The following RSU1 variants were observed in gnomAD, a reference collection of about 807,000 sequenced individuals.
The protein encoded by RSU1 is Ras suppressor protein 1.
A neutral mutation model predicts 31.1 loss-of-function variants in RSU1; 26 were observed. The ratio of observed to expected loss-of-function variants is 0.84; its 90% CI spans 0.61 to 1.16. The LOEUF (loss-of-function observed/expected upper bound fraction) is 1.16. RSU1 is among the 50% of genes most tolerant of loss of function. The probability of loss-of-function intolerance (pLI) is 0.00; values close to 1 mark genes in which losing one functional copy is unlikely to be tolerated. For synonymous variants in RSU1, 164 were observed against 136.3 expected (o/e 1.20, Z -1.41); for missense variants, 320 against 339.1 (o/e 0.94, Z 0.44).
chr10:16,602,020 T>C lies in RSU1; in HGVS notation c.732-8524A>G, dbSNP rs546889509. 4.6e-5 allele frequency among the ~76,000 whole-genome samples: 7 copies of C among 152,322 alleles called. No homozygotes were observed. In the East Asian group the frequency reaches 1.2e-3, roughly 25 times the overall value. On this transcript the variant is annotated intron_variant, in intron 8 of 8. Transcript: ENST00000345264. ...CAATCTGAGGCCTGAGATAAGCCTT[T>C]CCTGACAGCCAACATTCCTTTTGGC...
chr10:16,750,689 T>A (rs758920123), intron 7 of RSU1, among the ~76,000 whole-genome samples: 1 of 152,100 alleles, frequency 6.6e-6, no homozygotes, highest in South Asian at 2.1e-4. Flanking sequence ...TAACCAAGCA[T>A]ACATGTCAGA....
intron 8 of RSU1, among the ~76,000 whole-genome samples, chr10:16,659,836 C>T (rs1445851058): frequency 6.6e-6 from 1 of 152,174 alleles, no homozygotes; most frequent in Non-Finnish European, 1.5e-5. Flanking sequence ...TTGGTGTCCA[C>T]CATGATAGGT....
intron 8 of RSU1, among the ~76,000 whole-genome samples, chr10:16,624,988 G>C (rs150665209): frequency 6.6e-6 from 1 of 152,254 alleles, no homozygotes; most frequent in Admixed American, 6.5e-5. Flanking sequence ...ACCATGCCAA[G>C]TGGGTATCAC....
At chr10:16,750,321 A>G (rs919359202) in intron 7 of RSU1, among the ~76,000 whole-genome samples, 2 of 152,214 alleles carry the variant, frequency 1.3e-5, no homozygotes, top group African/African-American at 4.8e-5. Flanking sequence ...AAAAACTGCT[A>G]TCAGGCAAAT....
intron 7 of RSU1, among the ~76,000 whole-genome samples, chr10:16,734,421 G>T (rs1459612146): frequency 2.6e-5 from 4 of 152,222 alleles, no homozygotes; most frequent in African/African-American, 9.6e-5. Context: ...CCAGTCAGTG[G>T]ATGGAACCTA....
chr10:16,701,409 G>A (rs79906615), intron 7 of RSU1, among the ~76,000 whole-genome samples: 2,347 of 152,310 alleles, frequency 0.015, 25 homozygotes, highest in East Asian at 0.063. Context: ...TGTAAGCTGG[G>A]ATGTCTCATG....
intron 2 of RSU1, among the ~76,000 whole-genome samples, chr10:16,798,154 T>C (rs1838080332): frequency 6.6e-6 from 1 of 152,020 alleles, no homozygotes; most frequent in South Asian, 2.1e-4. Flanking sequence ...GAGGGATTTC[T>C]TTTAAAACAA....
At chr10:16,631,708 T>G (rs951022450) in intron 8 of RSU1, among the ~76,000 whole-genome samples, 1 of 152,238 alleles carries the variant, frequency 6.6e-6, no homozygotes, top group Non-Finnish European at 1.5e-5. Flanking sequence ...TTGTTTATAC[T>G]GCTGGTCTTA....
At chr10:16,609,846 A>T (rs950772036) in intron 8 of RSU1, among the ~76,000 whole-genome samples, 2 of 152,242 alleles carry the variant, frequency 1.3e-5, no homozygotes, top group Admixed American at 1.3e-4. Context: ...AGCTGTTTCT[A>T]AAATCTTCTT....
intron 8 of RSU1, among the ~76,000 whole-genome samples, chr10:16,614,569 T>C (rs912993560): frequency 6.6e-6 from 1 of 152,200 alleles, no homozygotes; most frequent in African/African-American, 2.4e-5. Context: ...TATACCAAGA[T>C]GTGATTATTA....
chr10:16,628,040 G>A (rs1221300591), intron 8 of RSU1, among the ~76,000 whole-genome samples: 1 of 152,142 alleles, frequency 6.6e-6, no homozygotes, highest in Admixed American at 6.5e-5. Flanking sequence ...ATGGCAAACC[G>A]CCCAGAAGGG....
chr10:16,684,451 T>A (rs1835400631), intron 8 of RSU1, among the ~76,000 whole-genome samples: 1 of 152,144 alleles, frequency 6.6e-6, no homozygotes, highest in Non-Finnish European at 1.5e-5. Context: ...TTTAAAGAGA[T>A]AATCAAGTTA....
chr10:16,745,843 T>C (rs565757113), intron 7 of RSU1, among the ~76,000 whole-genome samples: 4 of 152,274 alleles, frequency 2.6e-5, no homozygotes, highest in Admixed American at 1.3e-4. Context: ...ACTGTTTACA[T>C]TTAAAAAACG....
intron 4 of RSU1, among the ~76,000 whole-genome samples, chr10:16,759,099 G>A (rs1202845005): frequency 1.3e-5 from 2 of 152,092 alleles, no homozygotes; most frequent in African/African-American, 2.4e-5. Flanking sequence ...TTTCTTCTCC[G>A]CAGGTTGTCC....
At chr10:16,670,762 G>T (rs1000334239) in intron 8 of RSU1, among the ~76,000 whole-genome samples, 1 of 152,000 alleles carries the variant, frequency 6.6e-6, no homozygotes, top group South Asian at 2.1e-4. Context: ...CATGGATAGC[G>T]CCACAGAACC....
At chr10:16,681,688 G>A (rs1588711975) in intron 8 of RSU1, among the ~76,000 whole-genome samples, 1 of 152,280 alleles carries the variant, frequency 6.6e-6, no homozygotes, top group African/African-American at 2.4e-5. Flanking sequence ...TGCAGATGGG[G>A]AAGCTGAGGT....
chr10:16,690,370 C>T (rs898373633), intron 8 of RSU1, among the ~76,000 whole-genome samples: 1 of 152,128 alleles, frequency 6.6e-6, no homozygotes, highest in Non-Finnish European at 1.5e-5. Flanking sequence ...GTGACATCAG[C>T]CAACAAGTTC....
intron 3 of RSU1, among the ~76,000 whole-genome samples, chr10:16,772,625 G>C (rs1045767891): frequency 9.9e-5 from 11 of 111,192 alleles, no homozygotes; most frequent in African/African-American, 2.8e-4. Context: ...ACTGGAAAGA[G>C]AGAGGAGTAG....
chr10:16,698,973 T>C (rs974927673), intron 7 of RSU1, among the ~76,000 whole-genome samples: 1 of 152,116 alleles, frequency 6.6e-6, no homozygotes, highest in African/African-American at 2.4e-5. Flanking sequence ...TTCCTAAAGC[T>C]ACATGAACTT....
Sources: allele counts gnomAD v4.1 joint callset (sites outside exome capture counted in the v4.1 genomes callset), GRCh38; gene constraint gnomAD v4.1.1; transcripts MANE v1.5; gene names NCBI Gene and HGNC (gene_info 2026-07-23, HGNC 2026-07-21).